The following LDB2 variants were observed in gnomAD, a reference collection of about 807,000 sequenced individuals.
LDB2 encodes LIM domain-binding protein 2.
LDB2 carries 12 observed loss-of-function variants against 44.3 expected under a neutral mutation model. The ratio of observed to expected loss-of-function variants is 0.27; its 90% CI spans 0.17 to 0.44. The LOEUF (loss-of-function observed/expected upper bound fraction) is 0.44. Ranked by LOEUF, LDB2 falls within the 20% of genes least tolerant of loss-of-function variation. The pLI is 1.00. For missense variants in LDB2, 344 were observed against 473.5 expected, an observed-to-expected ratio of 0.73 and a Z score of 2.54; for synonymous variants, 164 against 174.8, an observed-to-expected ratio of 0.94 and a Z score of 0.49.
chr4:16,515,854 T>G (rs1217963149), intron 5 of LDB2, among the ~76,000 whole-genome samples: 1 of 147,654 alleles, frequency 6.8e-6, no homozygotes, highest in African/African-American at 2.4e-5. Context: ...ATTTATTTTA[T>G]TATTTATTTA....
intron 5 of LDB2, among the ~76,000 whole-genome samples, chr4:16,530,700 C>T (rs1729847548): frequency 6.6e-6 from 1 of 152,198 alleles, no homozygotes; most frequent in African/African-American, 2.4e-5. Flanking sequence ...CCCAAAGTGA[C>T]AGTTTCCCAT....
intron 2 of LDB2, among the ~76,000 whole-genome samples, chr4:16,671,464 C>T (rs1251925769): frequency 1.1e-4 from 17 of 152,168 alleles, no homozygotes; most frequent in Admixed American, 1.0e-3. Flanking sequence ...CCTCAGCTCA[C>T]CTGCCTTTGT....
Position 16,608,600 on chromosome 4 carries a change from T to A in LDB2, c.236-12725A>T, listed in dbSNP as rs567837840. 7.3e-4 allele frequency among the ~76,000 whole-genome samples: 111 copies of A among 152,332 alleles called. 1 individual carries two copies. The highest frequency in any genetic ancestry group is 2.6e-3 in the African/African-American group (110 of 41,578). On this transcript the variant is annotated intron_variant, in intron 2 of 7. Transcript: ENST00000304523. ...CCTGATCCTTGGACCTAGGTGCCAA[T>A]GCTTACAGCAGCACGTCACTAATGT... is the stretch of plus-strand genomic sequence containing the variant.
chr4:16,553,329 T>G (rs1435795276), intron 5 of LDB2, among the ~76,000 whole-genome samples: 2 of 151,952 alleles, frequency 1.3e-5, no homozygotes, highest in Non-Finnish European at 2.9e-5. Flanking sequence ...ATTTTTTTTT[T>G]GAATTTTTTG....
intron 2 of LDB2, among the ~76,000 whole-genome samples, chr4:16,707,538 T>A (rs1259232911): frequency 1.3e-5 from 2 of 152,200 alleles, no homozygotes; most frequent in African/African-American, 4.8e-5. Flanking sequence ...ATTTCGAGGG[T>A]TAATTGTTGC....
chr4:16,845,573 C>T (rs1342230057), intron 1 of LDB2, among the ~76,000 whole-genome samples: 3 of 152,138 alleles, frequency 2.0e-5, no homozygotes, highest in Non-Finnish European at 4.4e-5. Context: ...TCCCTATTAT[C>T]CCAACATCTA....
chr4:16,581,504 C>A, intron 5 of LDB2: 1 of 851,410 alleles, frequency 1.2e-6, no homozygotes. Context: ...TTTGTTGGTA[C>A]CTAAAACAAA....
chr4:16,863,355 G>A (rs1561474502), intron 1 of LDB2, among the ~76,000 whole-genome samples: 1 of 152,000 alleles, frequency 6.6e-6, no homozygotes, highest in Non-Finnish European at 1.5e-5. Flanking sequence ...CAGATTCCTG[G>A]GCCCCACATT....
At chr4:16,534,255 A>C (rs1442598152) in intron 5 of LDB2, among the ~76,000 whole-genome samples, 1 of 152,226 alleles carries the variant, frequency 6.6e-6, no homozygotes, top group Non-Finnish European at 1.5e-5. Flanking sequence ...AAATGTGATT[A>C]ATATCCTCGA....
At chr4:16,616,551 G>A (rs1307455296) in intron 2 of LDB2, among the ~76,000 whole-genome samples, 1 of 152,054 alleles carries the variant, frequency 6.6e-6, no homozygotes, top group Non-Finnish European at 1.5e-5. Context: ...GATGGAAACA[G>A]CCACCTGAGT....
intron 2 of LDB2, among the ~76,000 whole-genome samples, chr4:16,746,841 T>C (rs1295320029): frequency 1.3e-5 from 2 of 152,158 alleles, no homozygotes; most frequent in Admixed American, 6.6e-5. Context: ...AATGTAATCA[T>C]ATGCATTCCT....
At chr4:16,689,493 G>A (rs192505194) in intron 2 of LDB2, among the ~76,000 whole-genome samples, 3 of 152,288 alleles carry the variant, frequency 2.0e-5, no homozygotes, top group Non-Finnish European at 4.4e-5. Flanking sequence ...GCTTTTCAAA[G>A]ATAAGCTCTA....
chr4:16,840,580 G>A (rs1465044184), intron 1 of LDB2, among the ~76,000 whole-genome samples: 1 of 152,180 alleles, frequency 6.6e-6, no homozygotes, highest in Non-Finnish European at 1.5e-5. Context: ...TCACTTGAGT[G>A]ACAGGACAGC....
At chr4:16,586,131 T>A (rs1716707390) in intron 4 of LDB2, 126 bp from the exon 5 acceptor site, 1 of 689,830 alleles carries the variant, frequency 1.4e-6, no homozygotes, top group Non-Finnish European at 2.6e-6. Context: ...GAGGGCAGGC[T>A]GCTGGAGGTA....
chr4:16,531,840 CA>C (rs1159273236), intron 5 of LDB2, among the ~76,000 whole-genome samples: 1 of 152,074 alleles, frequency 6.6e-6, no homozygotes, highest in Non-Finnish European at 1.5e-5. Flanking sequence ...CAAAAGCACC[CA>C]AAGTAATATA....
intron 2 of LDB2, among the ~76,000 whole-genome samples, chr4:16,756,811 TTAGAGA>T (rs946830881): frequency 3.3e-5 from 5 of 151,972 alleles, no homozygotes; most frequent in African/African-American, 7.3e-5. Context: ...TTATGGCAAC[TTAGAGA>T]TAAAGTATTA....
intron 1 of LDB2, among the ~76,000 whole-genome samples, chr4:16,889,908 G>A (rs1202302135): frequency 2.0e-5 from 3 of 152,310 alleles, no homozygotes; most frequent in South Asian, 4.1e-4. Context: ...GAACATTTAA[G>A]TTGCTCAGTA....
intron 1 of LDB2, among the ~76,000 whole-genome samples, chr4:16,791,542 G>C (rs371133628): frequency 3.5e-5 from 1 of 28,430 alleles, no homozygotes; most frequent in Admixed American, 3.2e-4. Context: ...GCAACAGAGC[G>C]AGACTCTGGC....
chr4:16,699,474 T>A (rs904310994), intron 2 of LDB2, among the ~76,000 whole-genome samples: 4 of 152,224 alleles, frequency 2.6e-5, no homozygotes, highest in Non-Finnish European at 5.9e-5. Flanking sequence ...TAGTTCTGTA[T>A]ACCAATACCA....
Sources: allele counts gnomAD v4.1 joint callset (sites outside exome capture counted in the v4.1 genomes callset), GRCh38; gene constraint gnomAD v4.1.1; transcripts MANE v1.5; gene names NCBI Gene and HGNC (gene_info 2026-07-23, HGNC 2026-07-21).